Variants in MAPT observed in about 807,000 individuals in gnomAD.
The protein encoded by MAPT is microtubule associated protein tau, also known as microtubule-associated protein tau.
In MAPT, 34 loss-of-function variants were observed where a neutral mutation model predicts 67.9. The observed-to-expected ratio is 0.50, with a 90% CI of 0.38 to 0.67. The LOEUF is 0.67. Ranked by LOEUF, MAPT falls within the 30% of genes least tolerant of loss-of-function variation. The pLI, the probability that MAPT is intolerant of heterozygous loss-of-function variation, is 0.00. For missense variants in MAPT, 881 were observed against 1,115.2 expected, an observed-to-expected ratio of 0.79 and a Z score of 2.99; for synonymous variants, 456 against 464.5, an observed-to-expected ratio of 0.98 and a Z score of 0.23.
intron 9 of MAPT, among the ~76,000 whole-genome samples, chr17:46,006,336 C>G (rs2075410156): frequency 6.6e-6 from 1 of 152,120 alleles, no homozygotes; most frequent in Admixed American, 6.5e-5. Flanking sequence ...ATAAGCCAGA[C>G]AGAAGGACAG....
intron 1 of MAPT, among the ~76,000 whole-genome samples, chr17:45,919,712 A>G (rs941014148): frequency 4.6e-5 from 7 of 152,224 alleles, no homozygotes; most frequent in African/African-American, 1.7e-4. Flanking sequence ...TTCGAGACCA[A>G]CCTGAGCAAC....
intron 1 of MAPT, among the ~76,000 whole-genome samples, chr17:45,941,717 T>TCCTTCCTTCCTTCCTTCCTTCCTG (rs2067994033): frequency 2.3e-5 from 2 of 88,426 alleles, no homozygotes; most frequent in South Asian, 4.4e-4. Flanking sequence ...CTTCCTTCCT[T>TCCTTCCTTCCTTCCTTCCTTCCTG]CCTTCCTTCC....
chr17:45,962,883 A>C (rs1428238679), intron 2 of MAPT, among the ~76,000 whole-genome samples: 2 of 152,044 alleles, frequency 1.3e-5, no homozygotes, highest in Non-Finnish European at 2.9e-5. Context: ...TGTGATTATA[A>C]AACTGCACTC....
At position 45,906,645 on chromosome 17, in the gene MAPT, G is replaced by A. The variant is rs970418338; in HGVS notation, c.-18+11959G>A. On this transcript the variant is annotated intron_variant, in intron 1 of 12. Transcript: ENST00000262410. The surrounding 1 kb of genome is among the most constrained non-coding windows in gnomAD (Gnocchi z 4.3). ...ATGCATAACCCCCACCCTGACAATG[G>A]CCCATCTCTTCTCCAGCGTGGCCAG... Among the ~76,000 whole-genome samples, 9 of 152,094 alleles carry A rather than the reference G, an allele frequency of 5.9e-5. No homozygotes were observed. Among genetic ancestry groups the A allele is most frequent in the African/African-American group, 2.2e-4 (9 of 41,410 alleles).
At chr17:45,954,213 A>G (rs1473518945) in intron 1 of MAPT, among the ~76,000 whole-genome samples, 1 of 152,252 alleles carries the variant, frequency 6.6e-6, no homozygotes, top group Admixed American at 6.5e-5. Context: ...GTGTTTTATC[A>G]GAACACAGTC....
intron 3 of MAPT, among the ~76,000 whole-genome samples, chr17:45,972,311 G>A (rs2071785770): frequency 1.3e-5 from 2 of 152,216 alleles, no homozygotes; most frequent in African/African-American, 4.8e-5. Flanking sequence ...GGAAGGGGCA[G>A]GTCAGTGGAC....
chr17:45,895,092 G>GTGTGTGT lies in MAPT; in HGVS notation c.-18+406_-18+407insTGTGTGT. On this transcript the variant is annotated intron_variant, in intron 1 of 12. Transcript: ENST00000262410. ...GTGTGTGTGTGTGTGTGTGTGTGTGGAGGGGTCCGATAACGACCCCCGAAA... is the reference window on the plus strand; with the variant it reads ...GTGTGTGTGTGTGTGTGTGTGTGTGGTGTGTGTAGGGGTCCGATAACGACCCCCGAAA... 3 of 139,842 alleles carry GTGTGTGT rather than the reference G, an allele frequency of 2.1e-5. No homozygotes were observed. In the South Asian group the frequency reaches 7.7e-4, roughly 36 times the overall value. 8.7% of individuals were successfully genotyped at this position (139,842 alleles called of 1,614,324 possible).
chr17:46,006,294 G>A (rs532804377), intron 9 of MAPT, among the ~76,000 whole-genome samples: 22 of 152,288 alleles, frequency 1.4e-4, no homozygotes, highest in African/African-American at 4.6e-4. Context: ...GAAACAACAT[G>A]GATGGAACTG....
At chr17:45,895,007 G>A in intron 1 of MAPT, 1 of 156,094 alleles carries the variant, frequency 6.4e-6, no homozygotes, top group Non-Finnish European at 1.4e-5. Flanking sequence ...GGGGGAGGGG[G>A]CTGCCCTTCA....
chr17:45,981,849 C>T (rs62063783), intron 4 of MAPT, among the ~76,000 whole-genome samples: 21,954 of 151,522 alleles, frequency 0.14, 2,135 homozygotes, highest in Non-Finnish European at 0.22. Flanking sequence ...ACCCCGTCTC[C>T]ACAAAAATGA....
At chr17:46,014,906 G>C (rs949224358) in intron 11 of MAPT, among the ~76,000 whole-genome samples, 5 of 141,222 alleles carry the variant, frequency 3.5e-5, no homozygotes, top group Admixed American at 1.5e-4. Context: ...ACATGTTCTC[G>C]CTTCTTTGTG....
At position 45,982,847 on chromosome 17, in the gene MAPT, C is replaced by G; in HGVS notation, c.287-19C>G. Reference sequence around the variant, plus strand: ...TGCGCCCTTGCTAACCTTTTGCTATCGCTGCCTCTTCAAACCAGAGGAGTT... The same window carrying G: ...TGCGCCCTTGCTAACCTTTTGCTATGGCTGCCTCTTCAAACCAGAGGAGTT... On this transcript the variant is annotated intron_variant, in intron 4 of 12. Coordinates refer to ENST00000262410, the MANE Select transcript of MAPT (RefSeq NM_001377265.1). 9.5e-6 allele frequency: 12 copies of G among 1,263,664 alleles called. No individual in the cohort carries two copies. The highest frequency in any genetic ancestry group is 1.2e-5 in the Non-Finnish European group (12 of 1,000,718). 78.3% of individuals were successfully genotyped at this position (1,263,664 alleles called of 1,614,324 possible).
intron 9 of MAPT, chr17:45,999,809 A>T: frequency 2.8e-6 from 2 of 711,870 alleles, no homozygotes; most frequent in East Asian, 5.5e-5. Flanking sequence ...GAAAAGTGGC[A>T]GAGGACACAG....
At chr17:46,002,991 C>T (rs1598352846) in intron 9 of MAPT, among the ~76,000 whole-genome samples, 2 of 151,968 alleles carry the variant, frequency 1.3e-5, no homozygotes, top group African/African-American at 4.8e-5. Context: ...ACTGTGTCGC[C>T]CAGGATGGTC....
chr17:45,913,073 G>A (rs1230394707), intron 1 of MAPT, among the ~76,000 whole-genome samples: 1 of 152,228 alleles, frequency 6.6e-6, no homozygotes, highest in Admixed American at 6.5e-5. Context: ...CTAAGTTTCT[G>A]TATTAGTCCG....
intron 1 of MAPT, among the ~76,000 whole-genome samples, chr17:45,909,869 CAA>C (rs59131080): frequency 0.011 from 644 of 59,744 alleles, 5 homozygotes; most frequent in African/African-American, 0.037. Context: ...GACTCTGTCT[CAA>C]AAAAAAAAAA....
intron 8 of MAPT, among the ~76,000 whole-genome samples, chr17:45,991,806 CAG>C (rs1279903015): frequency 2.8e-5 from 4 of 145,442 alleles, no homozygotes; most frequent in African/African-American, 1.0e-4. Flanking sequence ...TCTTTTGAGA[CAG>C]AGTTTCGCTT....
chr17:45,966,153 T>C (rs765816550), intron 2 of MAPT, among the ~76,000 whole-genome samples: 27 of 152,254 alleles, frequency 1.8e-4, no homozygotes, highest in South Asian at 6.2e-4. Context: ...GTTTAAAATA[T>C]GTATTATGCT....
intron 6 of MAPT, among the ~76,000 whole-genome samples, chr17:45,989,132 G>T (rs889134126): frequency 6.6e-6 from 1 of 152,096 alleles, no homozygotes; most frequent in African/African-American, 2.4e-5. Flanking sequence ...AAAGCACCTT[G>T]CCTGGAATTG....
Sources: allele counts gnomAD v4.1 joint callset (sites outside exome capture counted in the v4.1 genomes callset), GRCh38; gene constraint gnomAD v4.1.1; non-coding constraint Gnocchi (gnomAD v3.1); transcripts MANE v1.5; gene names NCBI Gene and HGNC (gene_info 2026-07-23, HGNC 2026-07-21).